The following CHST9 variants were observed in gnomAD, a reference collection of about 807,000 sequenced individuals.
CHST9 encodes carbohydrate sulfotransferase 9.
A neutral mutation model predicts 44.4 loss-of-function variants in CHST9; 41 were observed. The observed-to-expected ratio is 0.92, with a 90% CI of 0.72 to 1.20. CHST9 has a LOEUF of 1.20. Ranked by LOEUF, CHST9 falls within the 50% of genes most tolerant of loss-of-function variation. The pLI is 0.00. For missense variants in CHST9, 504 were observed against 516.5 expected (o/e 0.98, Z 0.23); for synonymous variants, 171 against 178.4 (o/e 0.96, Z 0.33).
rs2055463320 is a variant in CHST9 at position 26,913,048 on chromosome 18, G to T, written c.*3211C>A. The T allele has an allele frequency of 6.6e-6, 1 of 152,116 alleles. No individual in the cohort carries two copies. The highest frequency in any genetic ancestry group is 1.5e-5 in the Non-Finnish European group (1 of 68,028). The allele number at this position is 152,116 out of a possible 1,614,324, so 9.4% of individuals were successfully genotyped here. A position where few individuals can be genotyped will look rare whatever the true frequency, so the allele number is the denominator to read the frequency against. On this transcript the variant is annotated 3_prime_UTR_variant, in exon 6 of 6. Transcript: ENST00000618847. Reference sequence around the variant, plus strand: ...GCACAGGAGGGAGACGTTTACTGTAGTCCTAGCCTAATCCCAAGTTCTATT... The same window carrying T: ...GCACAGGAGGGAGACGTTTACTGTATTCCTAGCCTAATCCCAAGTTCTATT...
At chr18:27,113,192 A>G (rs1397776806) in intron 2 of CHST9, among the ~76,000 whole-genome samples, 1 of 11,922 alleles carries the variant, frequency 8.4e-5, no homozygotes, top group Non-Finnish European at 1.7e-4. Context: ...CCATCTCAGA[A>G]AAAAAAAAAA....
chr18:27,120,813 A>C (rs2058368064), intron 2 of CHST9, among the ~76,000 whole-genome samples: 1 of 152,182 alleles, frequency 6.6e-6, no homozygotes, highest in Admixed American at 6.5e-5. Context: ...TCAGCCACTG[A>C]AGGAAATGCC....
At chr18:26,969,762 T>C (rs1287285937) in intron 4 of CHST9, among the ~76,000 whole-genome samples, 1 of 152,178 alleles carries the variant, frequency 6.6e-6, no homozygotes, top group Admixed American at 6.5e-5. Context: ...GATAAGTTAT[T>C]TGGGGAAGAT....
At chr18:26,956,652 C>T (rs542143466) in intron 4 of CHST9, among the ~76,000 whole-genome samples, 2 of 151,934 alleles carry the variant, frequency 1.3e-5, no homozygotes, top group African/African-American at 4.8e-5. Flanking sequence ...TCCCACTTAA[C>T]GAAAACTTAA....
intron 5 of CHST9, among the ~76,000 whole-genome samples, chr18:26,926,358 A>G (rs1485121228): frequency 1.3e-5 from 2 of 152,104 alleles, no homozygotes; most frequent in Non-Finnish European, 2.9e-5. Context: ...AGCTTAAAAT[A>G]TGAGGACTGA....
intron 5 of CHST9, among the ~76,000 whole-genome samples, chr18:26,920,932 A>G (rs540992291): frequency 1.4e-3 from 211 of 152,246 alleles, no homozygotes; most frequent in African/African-American, 4.9e-3. Context: ...CTTGCCAGCA[A>G]TCCGGATTTC....
At chr18:27,122,972 G>A (rs535502023) in intron 2 of CHST9, among the ~76,000 whole-genome samples, 43 of 152,320 alleles carry the variant, frequency 2.8e-4, no homozygotes, top group South Asian at 6.2e-4. Flanking sequence ...ACGCATCTGT[G>A]TGGACTGAGG....
intron 2 of CHST9, among the ~76,000 whole-genome samples, chr18:27,108,870 G>A (rs1375818619): frequency 2.0e-5 from 3 of 152,112 alleles, no homozygotes; most frequent in Non-Finnish European, 1.5e-5. Context: ...GACAGAGGGT[G>A]GAGTGAACTG....
At chr18:27,133,121 G>A (rs899762518) in intron 2 of CHST9, among the ~76,000 whole-genome samples, 4 of 152,176 alleles carry the variant, frequency 2.6e-5, no homozygotes, top group Non-Finnish European at 4.4e-5. Context: ...GGAATAACAG[G>A]TCTAGCATTG....
At chr18:26,966,231 C>T (rs2056462364) in intron 4 of CHST9, among the ~76,000 whole-genome samples, 1 of 152,082 alleles carries the variant, frequency 6.6e-6, no homozygotes, top group Non-Finnish European at 1.5e-5. Flanking sequence ...TAAAACTATG[C>T]TTTATATGAC....
chr18:27,079,543 A>G (rs2057940634), intron 2 of CHST9, among the ~76,000 whole-genome samples: 1 of 152,222 alleles, frequency 6.6e-6, no homozygotes, highest in African/African-American at 2.4e-5. Context: ...AAAAAAATTT[A>G]TATCTGCCAT....
intron 1 of CHST9, among the ~76,000 whole-genome samples, chr18:27,182,343 G>T (rs1567952588): frequency 6.6e-6 from 1 of 151,080 alleles, no homozygotes; most frequent in Non-Finnish European, 1.5e-5. Context: ...TAAGTTAGGA[G>T]AATCTTAACG....
intron 2 of CHST9, among the ~76,000 whole-genome samples, chr18:27,055,380 C>T (rs1477631446): frequency 6.6e-6 from 1 of 152,096 alleles, no homozygotes; most frequent in Non-Finnish European, 1.5e-5. Context: ...TTCTATACTT[C>T]CGAGTTAACT....
intron 1 of CHST9, among the ~76,000 whole-genome samples, chr18:27,179,008 G>A (rs1317807233): frequency 6.6e-6 from 1 of 151,582 alleles, no homozygotes; most frequent in Non-Finnish European, 1.5e-5. Context: ...AATTATGTGT[G>A]TATACATATA....
chr18:27,148,990 G>T (rs529470329), intron 1 of CHST9, among the ~76,000 whole-genome samples: 1 of 131,810 alleles, frequency 7.6e-6, no homozygotes, highest in East Asian at 2.7e-4. Context: ...GTTTTGATTT[G>T]CATTTCTCTG....
chr18:26,974,762 A>G (rs1716534131), intron 4 of CHST9, among the ~76,000 whole-genome samples: 1 of 149,964 alleles, frequency 6.7e-6, no homozygotes. Flanking sequence ...CAACCTCTGC[A>G]TCCCAAGCTG....
At position 27,005,604 on chromosome 18, in the gene CHST9, T is replaced by C. The variant is rs554654390; in HGVS notation, c.202+18512A>G. ...CATGCAAATAGGAGATATTATAACT[T>C]CTCTTTGTATATTGTTTTACACATT... On this transcript the variant is annotated intron_variant, in intron 4 of 5. Coordinates refer to ENST00000618847, the MANE Select transcript of CHST9 (RefSeq NM_031422.6). Among the ~76,000 whole-genome samples the C allele has an allele frequency of 3.3e-5, 5 of 152,304 alleles. No individual in the cohort carries two copies. The South Asian group carries it at 1.0e-3, about 32-fold the overall frequency.
intron 4 of CHST9, among the ~76,000 whole-genome samples, chr18:26,948,744 C>G (rs2056200767): frequency 6.6e-6 from 1 of 152,124 alleles, no homozygotes; most frequent in Non-Finnish European, 1.5e-5. Context: ...TAACAATATC[C>G]ACCCTTTCCC....
At chr18:27,086,210 T>C (rs1210336145) in intron 2 of CHST9, among the ~76,000 whole-genome samples, 2 of 152,102 alleles carry the variant, frequency 1.3e-5, no homozygotes, top group African/African-American at 4.8e-5. Flanking sequence ...ACACAAAACC[T>C]CCATGACACA....
Sources: allele counts gnomAD v4.1 joint callset (sites outside exome capture counted in the v4.1 genomes callset), GRCh38; gene constraint gnomAD v4.1.1; transcripts MANE v1.5; gene names NCBI Gene and HGNC (gene_info 2026-07-23, HGNC 2026-07-21).